PID1: variants seen among roughly 807,000 people sequenced by gnomAD.
The protein encoded by PID1 is phosphotyrosine interaction domain containing 1, also known as PTB-containing, cubilin and LRP1-interacting protein.
Under a neutral mutation model 19.1 loss-of-function variants are expected in PID1, and 10 were observed. That is an observed-to-expected ratio of 0.52 (90% CI 0.32 to 0.89). The LOEUF (loss-of-function observed/expected upper bound fraction) is 0.89, where lower values mean the gene tolerates loss of function less well. PID1 is among the 40% of genes least tolerant of loss of function. The pLI, the probability that PID1 is intolerant of heterozygous loss-of-function variation, is 0.03. For synonymous variants in PID1, 130 were observed against 116.0 expected, an observed-to-expected ratio of 1.12 and a Z score of -0.78; for missense variants, 248 against 285.3, an observed-to-expected ratio of 0.87 and a Z score of 0.94.
intron 2 of PID1, among the ~76,000 whole-genome samples, chr2:229,101,801 G>A (rs1474853518): frequency 1.3e-5 from 2 of 152,126 alleles, no homozygotes; most frequent in African/African-American, 2.4e-5. Context: ...CAGAGCCTAT[G>A]GTGGGCAGAT....
chr2:229,121,726 T>G (rs1295169354), intron 2 of PID1, among the ~76,000 whole-genome samples: 1 of 152,158 alleles, frequency 6.6e-6, no homozygotes, highest in Non-Finnish European at 1.5e-5. Context: ...AGGTATTTGT[T>G]TATTCATTCA....
intron 1 of PID1, among the ~76,000 whole-genome samples, chr2:229,228,369 A>G (rs1294747796): frequency 6.6e-6 from 1 of 152,226 alleles, no homozygotes; most frequent in Non-Finnish European, 1.5e-5. Flanking sequence ...TCCAACTGGT[A>G]ATAACAATTT....
chr2:229,110,423 C>G (rs1317455280), intron 2 of PID1, among the ~76,000 whole-genome samples: 2 of 152,130 alleles, frequency 1.3e-5, no homozygotes, highest in African/African-American at 4.8e-5. Context: ...GAGGCAAGAT[C>G]AGGTGAGGGA....
At chr2:229,048,430 C>T (rs2106181461) in intron 2 of PID1, among the ~76,000 whole-genome samples, 1 of 152,270 alleles carries the variant, frequency 6.6e-6, no homozygotes, top group South Asian at 2.1e-4. Flanking sequence ...GACTTGAATT[C>T]CCTTCTGTGC....
chr2:229,065,798 A>G (rs1370161472), intron 2 of PID1, among the ~76,000 whole-genome samples: 1 of 151,540 alleles, frequency 6.6e-6, no homozygotes, highest in Non-Finnish European at 1.5e-5. Context: ...AACTGCAGCT[A>G]CCATCTTGAC....
chr2:229,141,059 G>GCGGC (rs1690001833), intron 2 of PID1, among the ~76,000 whole-genome samples: 1 of 147,760 alleles, frequency 6.8e-6, no homozygotes, highest in Non-Finnish European at 1.5e-5. Context: ...TAGTATCTAT[G>GCGGC]TGGCAGGATG....
intron 1 of PID1, among the ~76,000 whole-genome samples, chr2:229,190,937 C>T (rs944407745): frequency 8.5e-5 from 13 of 152,052 alleles, no homozygotes; most frequent in Admixed American, 7.2e-4. Flanking sequence ...TATGTGTAAA[C>T]CACAGATAAA....
intron 2 of PID1, among the ~76,000 whole-genome samples, chr2:229,085,084 T>A (rs1170556456): frequency 1.3e-5 from 2 of 152,118 alleles, no homozygotes; most frequent in East Asian, 3.8e-4. Flanking sequence ...TGATACAAGA[T>A]AATGCACCAT....
At chr2:229,147,943 A>G (rs1690169938) in intron 2 of PID1, among the ~76,000 whole-genome samples, 1 of 152,204 alleles carries the variant, frequency 6.6e-6, no homozygotes, top group Admixed American at 6.5e-5. Context: ...AGGGATCTCC[A>G]GAGAGTCCCT....
chr2:229,155,767 T>A (rs1244784720), intron 2 of PID1, 51 bp downstream of exon 2: 1 of 1,531,130 alleles, frequency 6.5e-7, no homozygotes, highest in Non-Finnish European at 8.9e-7. Context: ...AGCCCACACA[T>A]CTTTGAGGCT....
intron 1 of PID1, among the ~76,000 whole-genome samples, chr2:229,239,795 CT>C (rs1477271209): frequency 1.3e-5 from 2 of 152,142 alleles, no homozygotes; most frequent in Non-Finnish European, 2.9e-5. Flanking sequence ...ACTTTTACAA[CT>C]TGCTTTTGGT....
intron 1 of PID1, among the ~76,000 whole-genome samples, chr2:229,198,710 C>T (rs1691429705): frequency 6.6e-6 from 1 of 152,060 alleles, no homozygotes; most frequent in Admixed American, 6.6e-5. Context: ...AGAGTTTACA[C>T]CTTACCTACT....
At chr2:229,068,693 G>A (rs1004194389) in intron 2 of PID1, among the ~76,000 whole-genome samples, 4 of 152,120 alleles carry the variant, frequency 2.6e-5, no homozygotes, top group South Asian at 2.1e-4. Context: ...AGCATGGAGC[G>A]GATCAGAGAA....
intron 2 of PID1, among the ~76,000 whole-genome samples, chr2:229,154,542 C>T (rs1265877772): frequency 1.3e-5 from 2 of 152,136 alleles, no homozygotes; most frequent in Non-Finnish European, 2.9e-5. Flanking sequence ...CTATGCCGGT[C>T]AGACAGTGAG....
rs879404488 is a variant in PID1, at chr2:229,246,027, C to G, written c.30+24987G>C. ...CAGGTACTTCTTTGGTAAACCTGAA[C>G]AAATAAGAGTTATTTCTTCTCTTTT... On this transcript the variant is annotated intron_variant, in intron 1 of 2. Transcript: ENST00000392055. Among the ~76,000 whole-genome samples the G allele has an allele frequency of 7.9e-5, 12 of 152,050 alleles. 1 individual carries two copies. The highest frequency in any genetic ancestry group is 3.8e-4 in the East Asian group (2 of 5,202).
intron 2 of PID1, among the ~76,000 whole-genome samples, chr2:229,052,570 G>T (rs1208012192): frequency 6.6e-6 from 1 of 151,756 alleles, no homozygotes; most frequent in Non-Finnish European, 1.5e-5. Flanking sequence ...AACAAATGGG[G>T]ATCAATAAAA....
intron 1 of PID1, among the ~76,000 whole-genome samples, chr2:229,238,077 T>C (rs1024883312): frequency 5.3e-5 from 8 of 152,216 alleles, no homozygotes; most frequent in African/African-American, 1.7e-4. Flanking sequence ...TCAATTTAGA[T>C]AGTTCCTTTC....
chr2:229,036,157 C>A (rs915382725), intron 2 of PID1, among the ~76,000 whole-genome samples: 1 of 152,118 alleles, frequency 6.6e-6, no homozygotes. Flanking sequence ...GCTCTTGGAG[C>A]CCAACACTAT....
At position 229,025,700 on chromosome 2, in the gene PID1, C is replaced by T. The variant is rs375488219; in HGVS notation, c.586G>A (p.Asp196Asn). ...FRKTFHSMKS[D>N]GRIHSNSSSE... The stretch of plus-strand genomic sequence containing the variant: ...GAGCTGTTGCTGTGGATCCGCCCGT[C>T]GCTCTTCATACTGTGGAAAGTCTTC... Residue 196 changes from aspartate (D) to asparagine (N), a missense_variant, in exon 3 of 3, where the codon GAC becomes AAC. Physicochemically the swap from Asp to Asn is conservative, Grantham distance 23. Coordinates refer to ENST00000392055, the MANE Select transcript of PID1 (RefSeq NM_001100818.2). 26 of 1,614,054 alleles carry T rather than the reference C, an allele frequency of 1.6e-5. No individual in the cohort carries two copies. The highest frequency in any genetic ancestry group is 5.0e-5 in the Admixed American group (3 of 59,994).
Sources: allele counts gnomAD v4.1 joint callset (sites outside exome capture counted in the v4.1 genomes callset), GRCh38; gene constraint gnomAD v4.1.1; transcripts MANE v1.5; gene names NCBI Gene and HGNC (gene_info 2026-07-23, HGNC 2026-07-21).